Variants in FSIP1 observed in about 807,000 individuals in gnomAD.
FSIP1 encodes the protein fibrous sheath-interacting protein 1.
Under a neutral mutation model 60.9 loss-of-function variants are expected in FSIP1, and 65 were observed. That is an observed-to-expected ratio of 1.07 (90% CI 0.87 to 1.31). The LOEUF is 1.31. Ranked by LOEUF, FSIP1 falls within the 40% of genes most tolerant of loss-of-function variation. The pLI is 0.00. For synonymous variants in FSIP1, 209 were observed against 221.2 expected (o/e 0.94, Z 0.49); for missense variants, 675 against 665.5 (o/e 1.01, Z -0.16).
intron 10 of FSIP1, among the ~76,000 whole-genome samples, chr15:39,701,080 G>A (rs1427476116): frequency 6.6e-6 from 1 of 152,104 alleles, no homozygotes; most frequent in Non-Finnish European, 1.5e-5. Flanking sequence ...TGAGCCCAAG[G>A]GGCAGGGGTT....
chr15:39,687,986 G>A (rs938269699), intron 10 of FSIP1, among the ~76,000 whole-genome samples: 1 of 152,104 alleles, frequency 6.6e-6, no homozygotes, highest in Admixed American at 6.5e-5. Flanking sequence ...CAAGCACTAG[G>A]AATCAGAAGA....
chr15:39,740,066 A>G (rs1268935538), intron 6 of FSIP1, among the ~76,000 whole-genome samples: 1 of 152,258 alleles, frequency 6.6e-6, no homozygotes, highest in Non-Finnish European at 1.5e-5. Flanking sequence ...AATGATGGGA[A>G]ATATCAATAG....
intron 10 of FSIP1, among the ~76,000 whole-genome samples, chr15:39,630,203 C>T (rs1891822394): frequency 1.3e-5 from 2 of 152,246 alleles, no homozygotes; most frequent in East Asian, 1.9e-4. Flanking sequence ...CCAATCTGAA[C>T]GTGAAATCAT....
chr15:39,702,460 T>G (rs1895099731), intron 10 of FSIP1, among the ~76,000 whole-genome samples: 1 of 30,900 alleles, frequency 3.2e-5, no homozygotes, highest in Non-Finnish European at 1.1e-4. Flanking sequence ...TCTAGCATGT[T>G]CAGGCTTGCT....
intron 5 of FSIP1, among the ~76,000 whole-genome samples, chr15:39,748,823 A>G (rs894034949): frequency 6.6e-6 from 1 of 152,154 alleles, no homozygotes; most frequent in Non-Finnish European, 1.5e-5. Flanking sequence ...CAGAACAGAA[A>G]TAAATCAAAT....
At chr15:39,742,639 A>G (rs1179673505) in intron 5 of FSIP1, among the ~76,000 whole-genome samples, 1 of 152,188 alleles carries the variant, frequency 6.6e-6, no homozygotes, top group Non-Finnish European at 1.5e-5. Flanking sequence ...AGGATATTAC[A>G]GGATCCACCA....
chr15:39,736,699 G>A (rs1333809557), intron 8 of FSIP1, among the ~76,000 whole-genome samples: 1 of 152,214 alleles, frequency 6.6e-6, no homozygotes, highest in Non-Finnish European at 1.5e-5. Flanking sequence ...TGTGTCCCTA[G>A]ATGTGGAAAC....
chr15:39,768,689 A>G (rs915571997), intron 3 of FSIP1, among the ~76,000 whole-genome samples: 9 of 152,254 alleles, frequency 5.9e-5, no homozygotes, highest in African/African-American at 1.9e-4. Context: ...TTAAAACAGG[A>G]AGAAGAAACT....
intron 3 of FSIP1, among the ~76,000 whole-genome samples, chr15:39,767,012 T>A (rs1897713815): frequency 6.6e-6 from 1 of 152,118 alleles, no homozygotes; most frequent in South Asian, 2.1e-4. Flanking sequence ...ACCTGGATAA[T>A]TTTTTAAAAA....
At chr15:39,771,904 C>A (rs556828636) in intron 2 of FSIP1, among the ~76,000 whole-genome samples, 1 of 152,338 alleles carries the variant, frequency 6.6e-6, no homozygotes, top group East Asian at 1.9e-4. Flanking sequence ...GGAGAAGTCA[C>A]ACAAGTTCTG....
chr15:39,754,930 A>T (rs1382763064), intron 5 of FSIP1, among the ~76,000 whole-genome samples: 4 of 152,052 alleles, frequency 2.6e-5, no homozygotes, highest in Admixed American at 6.6e-5. Flanking sequence ...GTGACAGTAG[A>T]AAATACAGAC....
intron 7 of FSIP1, among the ~76,000 whole-genome samples, chr15:39,739,140 G>C (rs925953360): frequency 3.3e-5 from 5 of 152,180 alleles, no homozygotes; most frequent in African/African-American, 1.2e-4. Context: ...TAAGACCAAA[G>C]ATAGGTGCTT....
At chr15:39,773,386 A>G (rs1450747684) in intron 2 of FSIP1, among the ~76,000 whole-genome samples, 1 of 152,250 alleles carries the variant, frequency 6.6e-6, no homozygotes, top group African/African-American at 2.4e-5. Context: ...CTTTGCTTTC[A>G]ATATAAGTGC....
chr15:39,678,427 C>T (rs1483698073), intron 10 of FSIP1, among the ~76,000 whole-genome samples: 1 of 151,988 alleles, frequency 6.6e-6, no homozygotes, highest in Non-Finnish European at 1.5e-5. Context: ...AAGAGCAACT[C>T]CACCAAAATG....
intron 8 of FSIP1, among the ~76,000 whole-genome samples, chr15:39,732,289 G>T (rs535240373): frequency 1.3e-5 from 2 of 152,134 alleles, no homozygotes; most frequent in African/African-American, 4.8e-5. Flanking sequence ...ACCAGTCCCC[G>T]TCCTAGAGAG....
At chr15:39,770,653 TC>T (rs775441209) in intron 2 of FSIP1, 43 bp from the exon 3 acceptor site, 40 of 1,275,262 alleles carry the variant, frequency 3.1e-5, no homozygotes, top group Admixed American at 6.3e-5. Context: ...GAAAATACTG[TC>T]TTTTTTTAAA....
chr15:39,767,222 G>C (rs1019821390), intron 3 of FSIP1, among the ~76,000 whole-genome samples: 1 of 152,212 alleles, frequency 6.6e-6, no homozygotes, highest in East Asian at 1.9e-4. Flanking sequence ...TAATAAGGAG[G>C]TTCCTTGAAT....
intron 10 of FSIP1, among the ~76,000 whole-genome samples, chr15:39,644,529 G>A (rs973068612): frequency 6.6e-6 from 1 of 152,146 alleles, no homozygotes; most frequent in African/African-American, 2.4e-5. Flanking sequence ...GACACGAGGG[G>A]AGAGACCTTT....
intron 10 of FSIP1, among the ~76,000 whole-genome samples, chr15:39,671,744 T>C (rs1007902773): frequency 2.0e-5 from 3 of 152,180 alleles, no homozygotes; most frequent in Non-Finnish European, 4.4e-5. Flanking sequence ...CCTAGTTTTC[T>C]GACTTAAAAA....
Sources: allele counts gnomAD v4.1 joint callset (sites outside exome capture counted in the v4.1 genomes callset), GRCh38; gene constraint gnomAD v4.1.1; transcripts MANE v1.5; gene names NCBI Gene and HGNC (gene_info 2026-07-23, HGNC 2026-07-21).